The following CEP95 variants were observed in gnomAD, a reference collection of about 807,000 sequenced individuals.
CEP95 encodes centrosomal protein 95.
A neutral mutation model predicts 111.2 loss-of-function variants in CEP95; 98 were observed. The ratio of observed to expected loss-of-function variants is 0.88; its 90% CI spans 0.75 to 1.04. The LOEUF is 1.04. Among genes scored for constraint, CEP95 ranks in the 50% least tolerant of loss-of-function variants. CEP95 has a pLI of 0.00. For missense variants in CEP95, 1,027 were observed against 977.2 expected, an observed-to-expected ratio of 1.05 and a Z score of -0.68; for synonymous variants, 323 against 327.1, an observed-to-expected ratio of 0.99 and a Z score of 0.14.
In CEP95 at chr17:64,537,796, A is replaced by G. The variant is rs781997813; in HGVS notation, c.*17A>G. On this transcript the variant is annotated 3_prime_UTR_variant, in exon 20 of 20. Coordinates refer to ENST00000556440, the MANE Select transcript of CEP95 (RefSeq NM_138363.3). ...TCCCTATGAGGCCAGACTTGATAAT[A>G]GTAGGTGAAGGTTCTGGAGGCCTTT... 5.0e-5 allele frequency: 76 copies of G among 1,528,418 alleles called. No homozygotes were observed. Among genetic ancestry groups the G allele is most frequent in the Non-Finnish European group, 6.2e-5 (70 of 1,129,586 alleles). The allele number at this position is 1,528,418 out of a possible 1,614,324, so 94.7% of individuals were successfully genotyped here.
rs530178725 is a variant in CEP95 at position 64,532,488 on chromosome 17, C to CT, written c.1673-348dup. ...AGACTGCTGGCCCTCCTACTCTATC[C>CT]TTTAGACCAGAAACTTTTTCTTCTA... On this transcript the variant is annotated intron_variant, in intron 14 of 19. Transcript: ENST00000556440. The CT allele has an allele frequency of 9.2e-5, 91 of 985,402 alleles. 5 individuals carry two copies. The South Asian group carries it at 4.0e-3, about 43-fold the overall frequency. 61.0% of individuals were successfully genotyped at this position (985,402 alleles called of 1,614,324 possible).
In CEP95 at chr17:64,521,400, A is replaced by G. The variant is rs1967327277; in HGVS notation, c.590-2A>G. The G allele has an allele frequency of 1.2e-6, 2 of 1,602,608 alleles. No homozygotes were observed. Among genetic ancestry groups the G allele is most frequent in the Admixed American group, 3.4e-5 (2 of 58,216 alleles). The stretch of plus-strand genomic sequence containing the variant: ...TTTTACCTTTAATATTTTCTTTCCT[A>G]GGTGCTCAATGTCCTAATGAAATGC... On this transcript the variant is annotated splice_acceptor_variant, in intron 6 of 19. Transcript: ENST00000556440. LOFTEE classifies it high-confidence loss of function.
chr17:64,507,186 G>T (rs2038592543), intron 1 of CEP95, 70 bp downstream of exon 1: 3 of 1,549,984 alleles, frequency 1.9e-6, no homozygotes, highest in Admixed American at 2.0e-5. Flanking sequence ...CCTCGGGCTA[G>T]CCCGGACTGG....
intron 12 of CEP95, 27 bp from the exon 13 acceptor site, chr17:64,530,899 T>A: frequency 7.4e-7 from 1 of 1,351,400 alleles, no homozygotes; most frequent in Non-Finnish European, 1.0e-6. Context: ...TTTTAATAAC[T>A]GTAATATATG....
At chr17:64,534,800 C>T (rs578228667) in intron 17 of CEP95, 63 bp downstream of exon 17, 2 of 1,557,374 alleles carry the variant, frequency 1.3e-6, no homozygotes, top group South Asian at 2.4e-5. Context: ...TTCAGGACCA[C>T]CTTCTTTGTT....
Position 64,534,565 on chromosome 17 carries a change from C to T in CEP95, c.1918-20C>T, listed in dbSNP as rs1555681087. ...CCTCTTGTCCTTACCCTTCTCTTCC[C>T]TCCCCTTTCCCTTTCTTAGCAAGAC... On this transcript the variant is annotated intron_variant, in intron 16 of 19. Coordinates refer to ENST00000556440, the MANE Select transcript of CEP95 (RefSeq NM_138363.3). 6.2e-7 allele frequency: 1 copy of T among 1,609,684 alleles called. No individual in the cohort carries two copies. The highest frequency in any genetic ancestry group is 1.7e-5 in the Admixed American group (1 of 59,906).
intron 8 of CEP95, among the ~76,000 whole-genome samples, chr17:64,523,677 G>A (rs1222194164): frequency 6.6e-6 from 1 of 152,184 alleles, no homozygotes; most frequent in East Asian, 1.9e-4. Flanking sequence ...ACTTTGGGAG[G>A]CTCATGTGAG....
At position 64,522,594 on chromosome 17, in the gene CEP95, ATATTTC is replaced by A. The variant is rs1275106835; in HGVS notation, c.716-105_716-100del. On this transcript the variant is annotated intron_variant, in intron 7 of 19. Transcript: ENST00000556440. ...ATGTGCTTTGTCTTAAGTTTAAAAA[ATATTTC>A]TAATGTATGTGAACATGTTTATATA... The A allele has an allele frequency of 1.5e-5, 10 of 679,422 alleles. No homozygotes were observed. In the African/African-American group the frequency reaches 1.6e-4, roughly 11 times the overall value. The allele number at this position is 679,422 out of a possible 1,614,324, so 42.1% of individuals were successfully genotyped here.
chr17:64,509,332 T>G (rs1002527648), intron 2 of CEP95, among the ~76,000 whole-genome samples: 2 of 152,246 alleles, frequency 1.3e-5, no homozygotes, highest in South Asian at 2.1e-4. Context: ...ACGTCCAGCC[T>G]GTGCTGACCT....
intron 11 of CEP95, among the ~76,000 whole-genome samples, chr17:64,528,873 A>G (rs1237490248): frequency 6.6e-6 from 1 of 152,222 alleles, no homozygotes; most frequent in Admixed American, 6.5e-5. Flanking sequence ...TAACACATTA[A>G]CTTTGCCTAT....
intron 13 of CEP95, among the ~76,000 whole-genome samples, chr17:64,531,293 C>T (rs185925898): frequency 2.6e-5 from 4 of 152,258 alleles, no homozygotes; most frequent in Admixed American, 2.0e-4. Context: ...TAGCAGTTCA[C>T]CAGGGGCTTA....
chr17:64,521,557 T>C (rs1477145765), intron 7 of CEP95, 30 bp downstream of exon 7: 2 of 1,595,810 alleles, frequency 1.3e-6, no homozygotes, highest in African/African-American at 2.7e-5. Flanking sequence ...AGTTCTTTAC[T>C]GCTGATGATC....
chr17:64,519,325 T>C lies in CEP95; in HGVS notation c.478T>C (p.Ser160Pro), dbSNP rs1555677127. 6.2e-7 allele frequency: 1 copy of C among 1,613,162 alleles called. No individual in the cohort carries two copies. The highest frequency in any genetic ancestry group is 1.3e-5 in the African/African-American group (1 of 74,898). Residue 160 changes from serine (S) to proline (P), a missense_variant, in exon 6 of 20, where the codon TCC (serine) becomes CCC (proline). Ser to Pro is a moderately conservative substitution (Grantham distance 74). Transcript: ENST00000556440. ...TGAAGGAGGGAACTTTTCCAGGTGCTCCTTGTCTTCTGAGATGTTGGGCCC... is the reference window on the plus strand; with the variant it reads ...TGAAGGAGGGAACTTTTCCAGGTGCCCCTTGTCTTCTGAGATGTTGGGCCC... ...SWKRVSFGRC[S>P]LSSEMLGPSW... is the part of the protein sequence containing the mutation.
intron 6 of CEP95, 143 bp downstream of exon 6, chr17:64,519,579 A>G: frequency 1.6e-6 from 1 of 607,626 alleles, no homozygotes. Flanking sequence ...CCCACTACCC[A>G]TTAAATATGA....
In CEP95 at chr17:64,531,868, CTGTTTTA is replaced by C. The variant is rs782249179; in HGVS notation, c.1540-20_1540-14del. 5.4e-5 allele frequency: 80 copies of C among 1,490,970 alleles called. No homozygotes were observed. Among genetic ancestry groups the C allele is most frequent in the Non-Finnish European group, 7.0e-5 (78 of 1,118,644 alleles). The allele number at this position is 1,490,970 out of a possible 1,614,324, so 92.4% of individuals were successfully genotyped here. A position where few individuals can be genotyped will look rare whatever the true frequency, so the allele number is the denominator to read the frequency against. On this transcript the variant is annotated splice_polypyrimidine_tract_variant and intron_variant, in intron 13 of 19. Coordinates refer to ENST00000556440, the MANE Select transcript of CEP95 (RefSeq NM_138363.3). The stretch of plus-strand genomic sequence containing the variant: ...AACTGTTAGACCTTTTATTTTTATT[CTGTTTTA>C]TATCTGCTTCTAAGGAAAAAATATA...
At chr17:64,512,395 T>C (rs1555675361) in intron 3 of CEP95, among the ~76,000 whole-genome samples, 2 of 152,348 alleles carry the variant, frequency 1.3e-5, no homozygotes, top group Non-Finnish European at 1.5e-5. Flanking sequence ...TTCAGAAGTT[T>C]TTTTCTGTAA....
At position 64,510,170 on chromosome 17, in the gene CEP95, C is replaced by T. The variant is rs782487772; in HGVS notation, c.149-3C>T. The T allele has an allele frequency of 3.2e-6, 5 of 1,577,202 alleles. No homozygotes were observed. Among genetic ancestry groups the T allele is most frequent in the Admixed American group, 1.7e-5 (1 of 58,666 alleles). ...AAAATTATGTGATTTTTTCCCCCCCCAGACCTCATAGTTATTCCTAGGAGT... is the reference window on the plus strand; with the variant it reads ...AAAATTATGTGATTTTTTCCCCCCCTAGACCTCATAGTTATTCCTAGGAGT... On this transcript the variant is annotated splice_polypyrimidine_tract_variant and splice_region_variant and intron_variant, in intron 2 of 19. Transcript: ENST00000556440.
intron 2 of CEP95, among the ~76,000 whole-genome samples, chr17:64,508,969 C>T (rs1177360175): frequency 1.3e-5 from 2 of 151,972 alleles, no homozygotes; most frequent in African/African-American, 4.8e-5. Context: ...GTGGAACCCA[C>T]TCATAATAAC....
chr17:64,534,066 T>C (rs1555680949), intron 16 of CEP95: 3 of 157,718 alleles, frequency 1.9e-5, no homozygotes, highest in Admixed American at 6.2e-5. Flanking sequence ...TACTGAACAG[T>C]TCCAGGAAGA....
Sources: allele counts gnomAD v4.1 joint callset (sites outside exome capture counted in the v4.1 genomes callset), GRCh38; gene constraint gnomAD v4.1.1; transcripts MANE v1.5; gene names NCBI Gene and HGNC (gene_info 2026-07-23, HGNC 2026-07-21).